The following GLCE variants were observed in gnomAD, a reference collection of about 807,000 sequenced individuals.
GLCE encodes the protein glucuronic acid epimerase.
A neutral mutation model predicts 47.9 loss-of-function variants in GLCE; 19 were observed. The observed-to-expected ratio is 0.40, with a 90% CI of 0.28 to 0.58. GLCE has a LOEUF of 0.58. GLCE is among the 20% of genes least tolerant of loss of function. GLCE has a pLI of 0.48. For missense variants in GLCE, 556 were observed against 743.3 expected, an observed-to-expected ratio of 0.75 and a Z score of 2.93; for synonymous variants, 245 against 263.4, an observed-to-expected ratio of 0.93 and a Z score of 0.68.
intron 1 of GLCE, among the ~76,000 whole-genome samples, chr15:69,167,996 A>G (rs1437243516): frequency 6.6e-6 from 1 of 152,088 alleles, no homozygotes; most frequent in Admixed American, 6.6e-5. Flanking sequence ...TTTATCTGAG[A>G]ACTTTACTGG....
rs143106255 is a variant in GLCE at position 69,167,143 on chromosome 15, G to A, written c.-105+6386G>A. 2.6e-3 allele frequency among the ~76,000 whole-genome samples: 390 copies of A among 152,280 alleles called. 1 individual carries two copies. Among genetic ancestry groups the A allele is most frequent in the African/African-American group, 9.0e-3 (373 of 41,548 alleles). ...AGGCAGGAGAATTGCTTGAACCCGG[G>A]ACGCAGAGGTTGCAATGAGCTGAGA... On this transcript the variant is annotated intron_variant, in intron 1 of 4. Coordinates refer to ENST00000261858, the MANE Select transcript of GLCE (RefSeq NM_015554.3).
intron 2 of GLCE, among the ~76,000 whole-genome samples, chr15:69,227,751 G>T (rs535548249): frequency 6.6e-6 from 1 of 152,122 alleles, no homozygotes; most frequent in South Asian, 2.1e-4. Flanking sequence ...TGACTAATCT[G>T]TATGGTTATA....
At chr15:69,197,103 G>A (rs773729838) in intron 1 of GLCE, 6 of 334,860 alleles carry the variant, frequency 1.8e-5, no homozygotes, top group African/African-American at 8.6e-5. Flanking sequence ...AAGCTGCAAC[G>A]CCTGCAGCCA....
At chr15:69,236,319 A>G (rs1438328414) in intron 2 of GLCE, among the ~76,000 whole-genome samples, 1 of 152,198 alleles carries the variant, frequency 6.6e-6, no homozygotes, top group Non-Finnish European at 1.5e-5. Flanking sequence ...GAGTTCATAG[A>G]TTCCTTAGTT....
At chr15:69,246,785 G>A (rs1285753057) in intron 2 of GLCE, among the ~76,000 whole-genome samples, 1 of 151,712 alleles carries the variant, frequency 6.6e-6, no homozygotes, top group Admixed American at 6.6e-5. Context: ...AATGAATGTT[G>A]TGTTAGCAGG....
chr15:69,187,230 C>T (rs1566950403), intron 1 of GLCE, among the ~76,000 whole-genome samples: 1 of 152,056 alleles, frequency 6.6e-6, no homozygotes, highest in African/African-American at 2.4e-5. Context: ...TGTTATCTGT[C>T]ATGTTAGACT....
intron 3 of GLCE, among the ~76,000 whole-genome samples, 184 bp downstream of exon 3, chr15:69,256,576 G>C (rs1025513716): frequency 2.0e-5 from 3 of 152,152 alleles, no homozygotes; most frequent in Non-Finnish European, 4.4e-5. Context: ...ATGACTTAAG[G>C]GCTGCCATAA....
intron 2 of GLCE, among the ~76,000 whole-genome samples, chr15:69,223,911 C>A (rs1017561254): frequency 4.6e-5 from 7 of 151,986 alleles, no homozygotes; most frequent in African/African-American, 1.4e-4. Flanking sequence ...CTCTTTGGTT[C>A]TTTTTTAGGT....
chr15:69,230,681 A>G (rs1460925135), intron 2 of GLCE, among the ~76,000 whole-genome samples: 1 of 152,254 alleles, frequency 6.6e-6, no homozygotes, highest in Non-Finnish European at 1.5e-5. Flanking sequence ...CTAAGTGTCA[A>G]CAACCAGAGA....
intron 2 of GLCE, among the ~76,000 whole-genome samples, chr15:69,231,911 G>A (rs35138840): frequency 6.6e-6 from 1 of 151,978 alleles, no homozygotes; most frequent in Admixed American, 6.5e-5. Context: ...TCCTGCCTGA[G>A]CCTCCCAAGC....
At chr15:69,200,693 T>G (rs892243168) in intron 1 of GLCE, among the ~76,000 whole-genome samples, 9 of 152,100 alleles carry the variant, frequency 5.9e-5, no homozygotes, top group African/African-American at 2.2e-4. Context: ...GCTATATATT[T>G]GGGTTGCTAG....
chr15:69,182,298 T>TGTGA (rs1446237319), intron 1 of GLCE, among the ~76,000 whole-genome samples: 63 of 145,810 alleles, frequency 4.3e-4, no homozygotes, highest in African/African-American at 4.8e-4. Flanking sequence ...TGTGTGTGTG[T>TGTGA]GAGAGAGAGA....
chr15:69,202,865 A>T (rs1327008963), intron 1 of GLCE, among the ~76,000 whole-genome samples: 1 of 152,012 alleles, frequency 6.6e-6, no homozygotes, highest in African/African-American at 2.4e-5. Context: ...TTATTTATGG[A>T]TAATTTCTTA....
intron 1 of GLCE, among the ~76,000 whole-genome samples, chr15:69,181,171 GAGAGAA>G (rs2051743868): frequency 6.6e-6 from 1 of 152,180 alleles, no homozygotes; most frequent in South Asian, 2.1e-4. Context: ...GATTTTGGAG[GAGAGAA>G]GTTGGATCTT....
intron 2 of GLCE, among the ~76,000 whole-genome samples, chr15:69,239,307 T>A (rs1386876482): frequency 4.6e-5 from 7 of 152,220 alleles, no homozygotes; most frequent in Non-Finnish European, 1.0e-4. Context: ...ACAGACATGA[T>A]GGCTGAGGCT....
chr15:69,228,536 G>A (rs1057031777), intron 2 of GLCE, among the ~76,000 whole-genome samples: 2 of 151,888 alleles, frequency 1.3e-5, no homozygotes, highest in Non-Finnish European at 2.9e-5. Context: ...ATCAAAAGAA[G>A]GCAAGAGAGA....
chr15:69,245,997 G>A (rs1000532517), intron 2 of GLCE, among the ~76,000 whole-genome samples: 2 of 152,170 alleles, frequency 1.3e-5, no homozygotes, highest in Non-Finnish European at 2.9e-5. Flanking sequence ...CTAAAGTACT[G>A]GGTTTACAGG....
At chr15:69,252,879 T>G (rs1293608406) in intron 2 of GLCE, among the ~76,000 whole-genome samples, 1 of 152,222 alleles carries the variant, frequency 6.6e-6, no homozygotes, top group Admixed American at 6.5e-5. Flanking sequence ...TTACACACTT[T>G]GGTTTCTCAT....
chr15:69,192,630 T>G (rs771023167), intron 1 of GLCE, among the ~76,000 whole-genome samples: 4 of 152,168 alleles, frequency 2.6e-5, no homozygotes, highest in Non-Finnish European at 1.5e-5. Context: ...AATTTTATGT[T>G]ATTTGCTGGA....
Sources: allele counts gnomAD v4.1 joint callset (sites outside exome capture counted in the v4.1 genomes callset), GRCh38; gene constraint gnomAD v4.1.1; transcripts MANE v1.5; gene names NCBI Gene and HGNC (gene_info 2026-07-23, HGNC 2026-07-21).